SYT14: variants seen among roughly 807,000 people sequenced by gnomAD.
The protein encoded by SYT14 is synaptotagmin 14, also known as synaptotagmin-14.
SYT14 carries 32 observed loss-of-function variants against 74.2 expected under a neutral mutation model. The ratio of observed to expected loss-of-function variants is 0.43; its 90% CI spans 0.33 to 0.58. SYT14 has a LOEUF of 0.58. Ranked by LOEUF, SYT14 falls within the 20% of genes least tolerant of loss-of-function variation. The probability of loss-of-function intolerance (pLI) is 0.05; values close to 1 mark genes in which losing one functional copy is unlikely to be tolerated. For missense variants in SYT14, 791 were observed against 981.8 expected (o/e 0.81, Z 2.60); for synonymous variants, 298 against 337.7 (o/e 0.88, Z 1.29).
chr1:210,060,623 G>A (rs1283547175), intron 5 of SYT14, among the ~76,000 whole-genome samples: 1 of 151,920 alleles, frequency 6.6e-6, no homozygotes, highest in Non-Finnish European at 1.5e-5. Context: ...GGTTGTACTT[G>A]TGGGCAAAAA....
At chr1:209,999,384 C>A (rs1456111017) in intron 2 of SYT14, among the ~76,000 whole-genome samples, 1 of 152,044 alleles carries the variant, frequency 6.6e-6, no homozygotes, top group African/African-American at 2.4e-5. Context: ...ACCATACAAT[C>A]CAGAAATCCT....
intron 2 of SYT14, among the ~76,000 whole-genome samples, chr1:210,009,785 T>A (rs1341595723): frequency 3.9e-5 from 6 of 152,170 alleles, no homozygotes; most frequent in African/African-American, 1.4e-4. Context: ...AAATTAATTA[T>A]CTGTCATTCT....
At chr1:210,062,567 A>G (rs1422060153) in intron 5 of SYT14, among the ~76,000 whole-genome samples, 1 of 151,818 alleles carries the variant, frequency 6.6e-6, no homozygotes, top group African/African-American at 2.4e-5. Flanking sequence ...TTGTTATACC[A>G]CTTTGCCATC....
intron 2 of SYT14, among the ~76,000 whole-genome samples, chr1:209,961,436 A>G (rs2079074114): frequency 1.3e-5 from 2 of 152,188 alleles, no homozygotes; most frequent in Non-Finnish European, 2.9e-5. Flanking sequence ...TAGAAAGAGT[A>G]CATGATTATG....
At chr1:210,082,847 C>T (rs1472462158) in intron 5 of SYT14, among the ~76,000 whole-genome samples, 1 of 152,194 alleles carries the variant, frequency 6.6e-6, no homozygotes, top group African/African-American at 2.4e-5. Flanking sequence ...TCTTGCTTTA[C>T]AGCTCTAAGG....
chr1:210,047,094 A>G lies in SYT14; in HGVS notation c.1312+25840A>G, dbSNP rs2080899228. ...ATCATATTGATAGGTATAGTTAAAT[A>G]ATTATTCTAATTAACTTAGATCCAC... On this transcript the variant is annotated intron_variant, in intron 5 of 9. Coordinates refer to ENST00000637265, the Ensembl canonical transcript of SYT14. 2.0e-5 allele frequency among the ~76,000 whole-genome samples: 3 copies of G among 152,126 alleles called. No homozygotes were observed. The South Asian group carries it at 6.2e-4, about 31-fold the overall frequency.
At chr1:210,069,407 CT>C (rs2081353830) in intron 5 of SYT14, among the ~76,000 whole-genome samples, 2 of 151,838 alleles carry the variant, frequency 1.3e-5, no homozygotes, top group Non-Finnish European at 2.9e-5. Context: ...ATTTTGTCAG[CT>C]TTTTCCTTGG....
chr1:210,066,050 A>T (rs1250373240), intron 5 of SYT14, among the ~76,000 whole-genome samples: 2 of 151,834 alleles, frequency 1.3e-5, no homozygotes, highest in African/African-American at 4.8e-5. Context: ...TACAAAGGAC[A>T]TGAACTCATC....
chr1:209,947,427 A>G (rs976672027), intron 1 of SYT14, among the ~76,000 whole-genome samples: 5 of 152,202 alleles, frequency 3.3e-5, no homozygotes, highest in Non-Finnish European at 4.4e-5. Flanking sequence ...GTTGATTCCA[A>G]CTATCATGGA....
intron 5 of SYT14, among the ~76,000 whole-genome samples, chr1:210,038,413 T>C (rs2080715202): frequency 6.6e-6 from 1 of 152,158 alleles, no homozygotes; most frequent in Non-Finnish European, 1.5e-5. Context: ...TTAAGGCATT[T>C]ATGGTCAAGA....
chr1:210,129,904 T>C (rs1006043883), intron 7 of SYT14, among the ~76,000 whole-genome samples: 3 of 152,200 alleles, frequency 2.0e-5, no homozygotes, highest in Non-Finnish European at 4.4e-5. Flanking sequence ...AGTATCTGTA[T>C]CTTGTAAAAG....
At position 210,087,208 on chromosome 1, in the gene SYT14, G is replaced by A. The variant is rs115162329; in HGVS notation, c.1313-7114G>A. 4.6e-3 allele frequency among the ~76,000 whole-genome samples: 704 copies of A among 152,114 alleles called. 8 individuals carry two copies. The highest frequency in any genetic ancestry group is 0.016 in the African/African-American group (664 of 41,490). ...ATAGTTGCCCTCTTCACCCCACTTC[G>A]CCACACTCCAGGCCACCCTCACACT... On this transcript the variant is annotated intron_variant, in intron 5 of 9. Coordinates refer to ENST00000637265, the Ensembl canonical transcript of SYT14.
At chr1:209,960,610 C>A (rs2079061912) in intron 2 of SYT14, among the ~76,000 whole-genome samples, 1 of 152,102 alleles carries the variant, frequency 6.6e-6, no homozygotes, top group African/African-American at 2.4e-5. Context: ...GCTAGGTTGG[C>A]CACCTGTGGT....
intron 7 of SYT14, among the ~76,000 whole-genome samples, chr1:210,136,782 G>A (rs1202823318): frequency 6.6e-6 from 1 of 152,160 alleles, no homozygotes; most frequent in Non-Finnish European, 1.5e-5. Context: ...ATAAATAATA[G>A]TGAGACTGGG....
chr1:210,071,149 C>T (rs1414567711), intron 5 of SYT14, among the ~76,000 whole-genome samples: 3 of 150,954 alleles, frequency 2.0e-5, no homozygotes, highest in African/African-American at 4.9e-5. Context: ...TCCCCCTCTA[C>T]AGATGGAAAA....
chr1:210,087,622 A>G (rs2081763360), intron 5 of SYT14, among the ~76,000 whole-genome samples: 1 of 151,948 alleles, frequency 6.6e-6, no homozygotes, highest in Non-Finnish European at 1.5e-5. Context: ...TGTATGTGTG[A>G]TGTCTTTACC....
At chr1:210,066,692 G>A (rs955160260) in intron 5 of SYT14, among the ~76,000 whole-genome samples, 5 of 152,034 alleles carry the variant, frequency 3.3e-5, no homozygotes, top group Admixed American at 6.6e-5. Context: ...TCACTCTGAT[G>A]GTAATTTCTT....
At chr1:210,033,045 A>G (rs1382665181) in intron 5 of SYT14, among the ~76,000 whole-genome samples, 3 of 151,850 alleles carry the variant, frequency 2.0e-5, no homozygotes, top group Non-Finnish European at 3.0e-5. Flanking sequence ...GGAGACAAAA[A>G]AAGTAGAAGT....
At chr1:210,164,457 G>A (rs1572404014) in exon 10 of SYT14, 1 of 167,986 alleles carries the variant, frequency 6.0e-6, no homozygotes, top group East Asian at 1.6e-4. Context: ...AAGTGAATCA[G>A]AAGCATAATC....
Sources: gnomAD v4.1 joint callset for allele counts (sites outside exome capture counted in the v4.1 genomes callset) on GRCh38, gnomAD v4.1.1 for gene constraint, MANE v1.5 for transcripts, NCBI Gene and HGNC (gene_info 2026-07-23, HGNC 2026-07-21) for gene names.